Variants in RIT1 observed in about 807,000 individuals in gnomAD.
RIT1 encodes the protein Ras like without CAAX 1.
A neutral mutation model predicts 25.6 loss-of-function variants in RIT1; 6 were observed. The ratio of observed to expected loss-of-function variants is 0.23; its 90% CI spans 0.13 to 0.46. The LOEUF (loss-of-function observed/expected upper bound fraction) is 0.46. Ranked by LOEUF, RIT1 falls within the 20% of genes least tolerant of loss-of-function variation. The pLI is 0.99. For missense variants in RIT1, 219 were observed against 284.4 expected (o/e 0.77, Z 1.65); for synonymous variants, 81 against 94.1 (o/e 0.86, Z 0.80).
intron 3 of RIT1, among the ~76,000 whole-genome samples, chr1:155,907,641 G>C (rs1335074189): frequency 2.0e-5 from 3 of 152,196 alleles, no homozygotes; most frequent in Non-Finnish European, 4.4e-5. Context: ...CACTAAATTA[G>C]AAACTCAAGA....
In RIT1 at chr1:155,899,219, C is replaced by T. The variant is rs1673256133; in HGVS notation, c.*1169G>A. 2 of 203,998 alleles carry T rather than the reference C, an allele frequency of 9.8e-6. No homozygotes were observed. Among genetic ancestry groups the T allele is most frequent in the South Asian group, 3.8e-4 (2 of 5,294 alleles). The allele number at this position is 203,998 out of a possible 1,614,324, so 12.6% of individuals were successfully genotyped here. A position where few individuals can be genotyped will look rare whatever the true frequency, so the allele number is the denominator to read the frequency against. ...TCCCTTAGGATAAACTTGGTCAAGG[C>T]TCAGATAACCCTGAGATGAACTTAG... On this transcript the variant is annotated 3_prime_UTR_variant, in exon 6 of 6. Coordinates refer to ENST00000368323, the MANE Select transcript of RIT1 (RefSeq NM_006912.6).
intron 5 of RIT1, among the ~76,000 whole-genome samples, chr1:155,901,495 G>T (rs1461934333): frequency 6.6e-6 from 1 of 151,886 alleles, no homozygotes; most frequent in African/African-American, 2.4e-5. Flanking sequence ...AAAACTAGCT[G>T]GGCATGGTGT....
At chr1:155,908,386 C>T (rs1448250273) in intron 3 of RIT1, among the ~76,000 whole-genome samples, 4 of 150,826 alleles carry the variant, frequency 2.7e-5, no homozygotes, top group Non-Finnish European at 5.9e-5. Flanking sequence ...ACCCGGGAGG[C>T]GGAGCTTGCA....
In RIT1 at chr1:155,904,393, T is replaced by C; in HGVS notation, c.347A>G (p.Gln116Arg). 6.2e-7 allele frequency: 1 copy of C among 1,614,116 alleles called. No homozygotes were observed. Among genetic ancestry groups the C allele is most frequent in the Non-Finnish European group, 8.5e-7 (1 of 1,179,956 alleles). The change falls in exon 5 of 6, where the codon CAG becomes CGG. Residue 116 changes from glutamine (Q) to arginine (R), a missense_variant. Physicochemically the swap from Gln to Arg is conservative, Grantham distance 43. This residue lies in a region of RIT1 where 131 missense variants were observed against 173.6 expected (regional missense o/e 0.75). Coordinates refer to ENST00000368323, the MANE Select transcript of RIT1 (RefSeq NM_006912.6). ...RSFHEVREFK[Q>R]LIYRVRRTDD... is the part of the protein sequence containing the mutation. ...AGTACGTCGGACTCGATAAATAAGC[T>C]GTTTAAACTCACGAACTTCATGGAA...
chr1:155,909,092 T>G (rs1673520279), intron 3 of RIT1, among the ~76,000 whole-genome samples: 1 of 151,600 alleles, frequency 6.6e-6, no homozygotes, highest in African/African-American at 2.4e-5. Context: ...CTGAAAATAA[T>G]AAGGCCCGGC....
rs568820064 is a variant in RIT1, at chr1:155,904,635, AAG to A, written c.237+94_237+95del. On this transcript the variant is annotated intron_variant, in intron 4 of 5. Coordinates refer to ENST00000368323, the MANE Select transcript of RIT1 (RefSeq NM_006912.6). ...CCTGAGTCAGAGTGCATGAAAAATT[AAG>A]AGAGATAAACTATTGATCTTCTCTG... is the stretch of plus-strand genomic sequence containing the variant. The A allele has an allele frequency of 3.3e-3, 3,976 of 1,217,310 alleles. 152 individuals are homozygous for A. The South Asian group carries it at 0.047, about 14-fold the overall frequency. 75.4% of individuals were successfully genotyped at this position (1,217,310 alleles called of 1,614,324 possible). A position where few individuals can be genotyped will look rare whatever the true frequency, so the allele number is the denominator to read the frequency against.
intron 5 of RIT1, among the ~76,000 whole-genome samples, chr1:155,903,540 C>T (rs1291596885): frequency 3.3e-5 from 5 of 151,272 alleles, no homozygotes; most frequent in African/African-American, 9.7e-5. Context: ...CTATTAGGAG[C>T]CCATAATTGA....
chr1:155,907,571 T>A (rs1032661076), intron 3 of RIT1, among the ~76,000 whole-genome samples: 1 of 152,206 alleles, frequency 6.6e-6, no homozygotes, highest in Non-Finnish European at 1.5e-5. Flanking sequence ...TGCTTTTATA[T>A]CTCTACCAGT....
In RIT1 at chr1:155,900,140, C is replaced by G; in HGVS notation, c.*248G>C. On this transcript the variant is annotated 3_prime_UTR_variant, in exon 6 of 6. Coordinates refer to ENST00000368323, the MANE Select transcript of RIT1 (RefSeq NM_006912.6). Reference sequence around the variant, plus strand: ...AAATTTACATTAATTAATAGCGCAACAGAACCCAAAACATTGGTAGAACAA... The same window carrying G: ...AAATTTACATTAATTAATAGCGCAAGAGAACCCAAAACATTGGTAGAACAA... 2.1e-6 allele frequency: 1 copy of G among 478,170 alleles called. No individual in the cohort carries two copies. The highest frequency in any genetic ancestry group is 3.7e-6 in the Non-Finnish European group (1 of 268,792). The allele number at this position is 478,170 out of a possible 1,614,324, so 29.6% of individuals were successfully genotyped here. A position where few individuals can be genotyped will look rare whatever the true frequency, so the allele number is the denominator to read the frequency against.
Position 155,910,543 on chromosome 1 carries a change from G to A in RIT1, c.107-37C>T, listed in dbSNP as rs759314326. On this transcript the variant is annotated intron_variant, in intron 2 of 5. Coordinates refer to ENST00000368323, the MANE Select transcript of RIT1 (RefSeq NM_006912.6). Reference sequence around the variant, plus strand: ...GAAATAAAAGTCAAATCCTCACAAAGGTGACCCACAGAGAGAATTTTAAGT... The same window carrying A: ...GAAATAAAAGTCAAATCCTCACAAAAGTGACCCACAGAGAGAATTTTAAGT... The A allele has an allele frequency of 5.0e-6, 8 of 1,612,300 alleles. No individual in the cohort carries two copies. In the South Asian group the frequency reaches 8.8e-5, roughly 18 times the overall value.
At position 155,904,795 on chromosome 1, in the gene RIT1, T is replaced by C; in HGVS notation, c.173A>G (p.Tyr58Cys). ...EDHDPTIEDA[Y>C]KIRIRIDDEP... is the part of the protein sequence containing the mutation. ...ATCATCAATACGGATCCTGATCTTATAAGCATCTTCTACAGGAGGGAAGAA... is the reference window on the plus strand; with the variant it reads ...ATCATCAATACGGATCCTGATCTTACAAGCATCTTCTACAGGAGGGAAGAA... The change falls in exon 4 of 6, where the codon TAT (tyrosine) becomes TGT (cysteine). Residue 58 changes from tyrosine to cysteine, a missense_variant. Around this residue, in one of 3 missense-constraint regions of RIT1, gnomAD observed 131 missense variants for 173.6 expected, o/e 0.75. Coordinates refer to ENST00000368323, the MANE Select transcript of RIT1 (RefSeq NM_006912.6). 6.2e-7 allele frequency: 1 copy of C among 1,609,982 alleles called. No individual in the cohort carries two copies. The highest frequency in any genetic ancestry group is 8.5e-7 in the Non-Finnish European group (1 of 1,176,272).
chr1:155,900,709 G>T, intron 5 of RIT1, 91 bp from the exon 6 acceptor site: 1 of 1,029,960 alleles, frequency 9.7e-7, no homozygotes, highest in Non-Finnish European at 1.4e-6. Context: ...CACAAAGAAA[G>T]CTTCTCAATT....
In RIT1 at chr1:155,898,641, C is replaced by T. The variant is rs567876773; in HGVS notation, c.*1747G>A. 1.7e-4 allele frequency: 30 copies of T among 180,276 alleles called. No homozygotes were observed. The East Asian group carries it at 2.7e-3, about 16-fold the overall frequency. The allele number at this position is 180,276 out of a possible 1,614,324, so 11.2% of individuals were successfully genotyped here. A position where few individuals can be genotyped will look rare whatever the true frequency, so the allele number is the denominator to read the frequency against. ...TAAACCAGTTTAAATGTAAAACATT[C>T]TCATAATAGAATTGCACTGTATTTC... On this transcript the variant is annotated 3_prime_UTR_variant, in exon 6 of 6. Transcript: ENST00000368323.
At chr1:155,903,749 T>G (rs1461555844) in intron 5 of RIT1, among the ~76,000 whole-genome samples, 2 of 151,958 alleles carry the variant, frequency 1.3e-5, no homozygotes, top group African/African-American at 4.8e-5. Context: ...TGGCTCACAC[T>G]TGTAATCCCA....
Position 155,911,256 on chromosome 1 carries a change from G to A in RIT1, c.-57C>T, listed in dbSNP as rs969744918. 1.3e-4 allele frequency: 40 copies of A among 315,046 alleles called. No homozygotes were observed. Among genetic ancestry groups the A allele is most frequent in the Non-Finnish European group, 2.1e-4 (37 of 174,176 alleles). 19.5% of individuals were successfully genotyped at this position (315,046 alleles called of 1,614,324 possible). On this transcript the variant is annotated 5_prime_UTR_variant, in exon 1 of 6. Coordinates refer to ENST00000368323, the MANE Select transcript of RIT1 (RefSeq NM_006912.6). ...CCACCCCTCTACCTCACAAGCCGAC[G>A]CCCTGCTGCTCCTACTGGTCAGTGG...
At chr1:155,910,044 T>A in intron 3 of RIT1, 1 of 177,554 alleles carries the variant, frequency 5.6e-6, no homozygotes, top group Admixed American at 5.7e-5. Flanking sequence ...ATGTCTGGGT[T>A]GTAAGAGTTC....
chr1:155,904,248 G>A, intron 5 of RIT1, 63 bp downstream of exon 5: 4 of 1,279,912 alleles, frequency 3.1e-6, no homozygotes, highest in Non-Finnish European at 4.4e-6. Flanking sequence ...GAATCTGTAA[G>A]CCAAGAAACA....
chr1:155,910,330 T>A, intron 3 of RIT1, 120 bp downstream of exon 3: 1 of 831,740 alleles, frequency 1.2e-6, no homozygotes. Flanking sequence ...CCCTTGTTTC[T>A]AAATAAATCT....
At chr1:155,902,019 G>A (rs989786901) in intron 5 of RIT1, among the ~76,000 whole-genome samples, 3 of 152,142 alleles carry the variant, frequency 2.0e-5, no homozygotes, top group African/African-American at 7.2e-5. Flanking sequence ...AAATCTAATT[G>A]GGAAAAGAGT....
Sources: allele counts gnomAD v4.1 joint callset (sites outside exome capture counted in the v4.1 genomes callset), GRCh38; gene constraint gnomAD v4.1.1; regional missense constraint gnomAD v4.1.1; transcripts MANE v1.5; gene names NCBI Gene and HGNC (gene_info 2026-07-23, HGNC 2026-07-21).